The following SLC16A9 variants were observed in gnomAD, a reference collection of about 807,000 sequenced individuals.
SLC16A9 encodes solute carrier family 16 member 9.
A neutral mutation model predicts 44.3 loss-of-function variants in SLC16A9; 26 were observed. That is an observed-to-expected ratio of 0.59 (90% CI 0.43 to 0.81). The LOEUF is 0.81. SLC16A9 is among the 40% of genes least tolerant of loss of function. The probability of loss-of-function intolerance (pLI) is 0.00; values close to 1 mark genes in which losing one functional copy is unlikely to be tolerated. For synonymous variants in SLC16A9, 230 were observed against 225.1 expected (o/e 1.02, Z -0.19); for missense variants, 559 against 595.8 (o/e 0.94, Z 0.64).
At chr10:59,653,265 C>CAA (rs199852561) in intron 5 of SLC16A9, among the ~76,000 whole-genome samples, 1 of 146,676 alleles carries the variant, frequency 6.8e-6, no homozygotes, top group Non-Finnish European at 1.5e-5. Flanking sequence ...TAAACAACAA[C>CAA]AACAAAAAAC....
chr10:59,689,618 T>C (rs2132509349), intron 1 of SLC16A9, among the ~76,000 whole-genome samples: 1 of 152,340 alleles, frequency 6.6e-6, no homozygotes. Context: ...GTTGACCTCC[T>C]AGAGATACCG....
chr10:59,660,726 C>G (rs917040882), intron 4 of SLC16A9, among the ~76,000 whole-genome samples: 3 of 152,134 alleles, frequency 2.0e-5, no homozygotes, highest in African/African-American at 7.2e-5. Context: ...GCTAATATCC[C>G]TGATAAACAT....
At chr10:59,695,285 A>G (rs1437436011) in intron 1 of SLC16A9, among the ~76,000 whole-genome samples, 2 of 152,180 alleles carry the variant, frequency 1.3e-5, no homozygotes, top group African/African-American at 2.4e-5. Context: ...TCAAGGAATT[A>G]TACACTTTAA....
intron 4 of SLC16A9, among the ~76,000 whole-genome samples, 196 bp downstream of exon 4, chr10:59,664,031 T>TAAAAAAAA (rs71467073): frequency 2.4e-5 from 3 of 122,548 alleles, no homozygotes; most frequent in Admixed American, 8.2e-5. Flanking sequence ...ATGTAAAATG[T>TAAAAAAAA]AAAAAAAAAA....
chr10:59,676,360 C>T (rs16913947), intron 2 of SLC16A9, among the ~76,000 whole-genome samples: 11,714 of 152,224 alleles, frequency 0.077, 624 homozygotes, highest in African/African-American at 0.14. Flanking sequence ...TTTGTAGTAA[C>T]TGTGCAAGGC....
chr10:59,690,972 C>A (rs1306369045), intron 1 of SLC16A9, among the ~76,000 whole-genome samples: 1 of 152,174 alleles, frequency 6.6e-6, no homozygotes, highest in Non-Finnish European at 1.5e-5. Context: ...GTAATCCCAG[C>A]TACTCAGGAG....
chr10:59,673,416 T>C (rs1839795205), intron 2 of SLC16A9, among the ~76,000 whole-genome samples: 1 of 152,188 alleles, frequency 6.6e-6, no homozygotes, highest in Non-Finnish European at 1.5e-5. Flanking sequence ...ATAGTGAAAT[T>C]CTTTCCTACT....
At chr10:59,703,513 T>C (rs1840570494) in intron 1 of SLC16A9, among the ~76,000 whole-genome samples, 1 of 152,180 alleles carries the variant, frequency 6.6e-6, no homozygotes, top group African/African-American at 2.4e-5. Context: ...ATAATTTGGA[T>C]ACAGGGAGTA....
chr10:59,702,922 T>C (rs1420393424), intron 1 of SLC16A9, among the ~76,000 whole-genome samples: 1 of 152,140 alleles, frequency 6.6e-6, no homozygotes, highest in African/African-American at 2.4e-5. Context: ...TTAAAGACAA[T>C]GAAGATTGCT....
At chr10:59,674,345 C>A (rs75028536) in intron 2 of SLC16A9, among the ~76,000 whole-genome samples, 2,178 of 152,224 alleles carry the variant, frequency 0.014, 62 homozygotes, top group African/African-American at 0.049. Context: ...CAGTTTATGG[C>A]CCCTGAGATA....
intron 1 of SLC16A9, among the ~76,000 whole-genome samples, chr10:59,706,909 G>A (rs1176899581): frequency 6.6e-6 from 1 of 150,884 alleles, no homozygotes; most frequent in African/African-American, 2.4e-5. Flanking sequence ...GGGAGGCAGA[G>A]GTTGCAGTAA....
chr10:59,681,762 G>GTAT (rs55822925), intron 2 of SLC16A9, among the ~76,000 whole-genome samples: 21 of 3,326 alleles, frequency 6.3e-3, no homozygotes, highest in African/African-American at 7.0e-3. Flanking sequence ...ATATGTATAT[G>GTAT]ATGTATATGT....
chr10:59,706,316 G>A (rs1840635473), intron 1 of SLC16A9, among the ~76,000 whole-genome samples: 1 of 152,008 alleles, frequency 6.6e-6, no homozygotes, highest in Non-Finnish European at 1.5e-5. Context: ...GGTTACTTTG[G>A]TGTCTGCCAA....
chr10:59,682,070 G>A (rs1459629301), intron 2 of SLC16A9, among the ~76,000 whole-genome samples: 1 of 151,978 alleles, frequency 6.6e-6, no homozygotes, highest in Non-Finnish European at 1.5e-5. Context: ...ACTTGCATAA[G>A]GTCACTCAGC....
intron 1 of SLC16A9, among the ~76,000 whole-genome samples, chr10:59,704,866 CT>C (rs1419504142): frequency 6.6e-6 from 1 of 152,216 alleles, no homozygotes; most frequent in Non-Finnish European, 1.5e-5. Flanking sequence ...GATGTTTGAT[CT>C]GTTGTCTAAA....
intron 4 of SLC16A9, among the ~76,000 whole-genome samples, chr10:59,663,852 A>C (rs532967514): frequency 1.3e-5 from 2 of 152,234 alleles, no homozygotes; most frequent in South Asian, 4.1e-4. Flanking sequence ...AATATCATAA[A>C]GACAACTTTT....
chr10:59,689,038 A>C (rs1840197108), intron 1 of SLC16A9, among the ~76,000 whole-genome samples: 1 of 152,136 alleles, frequency 6.6e-6, no homozygotes, highest in Non-Finnish European at 1.5e-5. Context: ...AAATTCTCAC[A>C]GTAAATATTT....
At chr10:59,699,892 T>C (rs1049957655) in intron 1 of SLC16A9, among the ~76,000 whole-genome samples, 1 of 129,426 alleles carries the variant, frequency 7.7e-6, no homozygotes, top group African/African-American at 2.9e-5. Flanking sequence ...CAGATTCAAC[T>C]GCACTGAAAA....
chr10:59,662,633 CAAAAAAAAAAAA>C (rs71006278), intron 4 of SLC16A9, among the ~76,000 whole-genome samples: 1 of 43,634 alleles, frequency 2.3e-5, no homozygotes, highest in Admixed American at 3.2e-4. Context: ...AACTCCATCT[CAAAAAAAAAAAA>C]AAAAAAAAGA....
Sources: gnomAD v4.1 joint callset for allele counts (sites outside exome capture counted in the v4.1 genomes callset) on GRCh38, gnomAD v4.1.1 for gene constraint, MANE v1.5 for transcripts, NCBI Gene and HGNC (gene_info 2026-07-23, HGNC 2026-07-21) for gene names.